LINGO2: variants seen among roughly 807,000 people sequenced by gnomAD.
LINGO2 encodes the protein leucine rich repeat and Ig domain containing 2, also known as leucine-rich repeat and immunoglobulin-like domain-containing nogo receptor-interacting protein 2.
In LINGO2, 14 loss-of-function variants were observed where a neutral mutation model predicts 30.6. That is an observed-to-expected ratio of 0.46 (90% confidence interval 0.30 to 0.72). The LOEUF (loss-of-function observed/expected upper bound fraction) is 0.72. LINGO2 is among the 30% of genes least tolerant of loss of function. LINGO2 has a pLI of 0.07. For missense variants in LINGO2, 729 were observed against 751.7 expected (o/e 0.97, Z 0.35); for synonymous variants, 317 against 288.5 (o/e 1.10, Z -1.00).
At chr9:28,848,383 G>GTATA in the LINGO2 span, among the ~76,000 whole-genome samples, 1 of 56,556 alleles carries the variant, frequency 1.8e-5, no homozygotes, top group African/African-American at 5.1e-5. Context: ...GTGTGTGTGT[G>GTATA]TGTGTGTGTG....
the LINGO2 span, among the ~76,000 whole-genome samples, chr9:28,700,874 GT>G: frequency 6.6e-6 from 1 of 151,892 alleles, no homozygotes; most frequent in Non-Finnish European, 1.5e-5. Flanking sequence ...ACTCCTTGTT[GT>G]TTTAATTTGT....
the LINGO2 span, among the ~76,000 whole-genome samples, chr9:28,925,176 G>T: frequency 6.6e-6 from 1 of 152,186 alleles, no homozygotes; most frequent in South Asian, 2.1e-4. Flanking sequence ...AAATTTAAAC[G>T]CTTTTTAAAA....
At position 28,293,183 on chromosome 9, in the gene LINGO2, C is replaced by T. The variant is rs150975634; in HGVS notation, c.-87+2025G>A. 4.5e-3 allele frequency among the ~76,000 whole-genome samples: 677 copies of T among 152,060 alleles called. 6 individuals are homozygous for T. The highest frequency in any genetic ancestry group is 0.016 in the African/African-American group (654 of 41,494). On this transcript the variant is annotated intron_variant, in intron 4 of 5. Transcript: ENST00000379992. Reference sequence around the variant, plus strand: ...TGCTATCATAGCTCACTGTAACCTCCGACTCTTGGGCTCAAGCAGTCCTCC... The same window carrying T: ...TGCTATCATAGCTCACTGTAACCTCTGACTCTTGGGCTCAAGCAGTCCTCC...
the LINGO2 span, among the ~76,000 whole-genome samples, chr9:28,927,646 G>A: frequency 6.6e-6 from 1 of 152,190 alleles, no homozygotes; most frequent in Non-Finnish European, 1.5e-5. Context: ...TAGTTTGTGT[G>A]TAATACACTG....
the LINGO2 span, among the ~76,000 whole-genome samples, chr9:28,981,379 A>G: frequency 0.023 from 3,293 of 143,966 alleles, 99 homozygotes; most frequent in African/African-American, 0.077. Flanking sequence ...CTTAGATTAT[A>G]AAACCACAAT....
the LINGO2 span, among the ~76,000 whole-genome samples, chr9:29,132,032 G>A: frequency 6.6e-6 from 1 of 151,684 alleles, no homozygotes; most frequent in Non-Finnish European, 1.5e-5. Context: ...CCAGGTCCAG[G>A]TGAAGGCACA....
the LINGO2 span, among the ~76,000 whole-genome samples, chr9:28,819,094 C>T: frequency 6.6e-6 from 1 of 152,166 alleles, no homozygotes; most frequent in African/African-American, 2.4e-5. Context: ...CCAAATCCTT[C>T]AGCATGACTA....
chr9:28,241,156 C>T (rs182037579), intron 4 of LINGO2, among the ~76,000 whole-genome samples: 1 of 149,046 alleles, frequency 6.7e-6, no homozygotes, highest in East Asian at 2.0e-4. Context: ...GTAATCCCAG[C>T]TACTTGGGAG....
At chr9:28,001,180 T>G (rs1225408047) in intron 5 of LINGO2, among the ~76,000 whole-genome samples, 1 of 152,208 alleles carries the variant, frequency 6.6e-6, no homozygotes, top group African/African-American at 2.4e-5. Context: ...AATGAAATCT[T>G]ATTCAGAAAG....
chr9:29,016,703 T>G, the LINGO2 span, among the ~76,000 whole-genome samples: 1 of 152,180 alleles, frequency 6.6e-6, no homozygotes, highest in Non-Finnish European at 1.5e-5. Context: ...CCATCAATCT[T>G]ATTTTTAAGA....
At chr9:28,312,119 G>A (rs1237442131) in intron 3 of LINGO2, among the ~76,000 whole-genome samples, 1 of 148,216 alleles carries the variant, frequency 6.7e-6, no homozygotes, top group African/African-American at 2.5e-5. Context: ...AAGTATCTAT[G>A]TTCTTTAGCT....
At chr9:28,370,349 C>T (rs1055001323) in intron 3 of LINGO2, among the ~76,000 whole-genome samples, 19 of 152,058 alleles carry the variant, frequency 1.2e-4, no homozygotes, top group Non-Finnish European at 7.4e-5. Context: ...CCAAAATATA[C>T]ACGCATGCAA....
chr9:28,735,951 C>T, the LINGO2 span, among the ~76,000 whole-genome samples: 1 of 152,116 alleles, frequency 6.6e-6, no homozygotes, highest in Admixed American at 6.6e-5. Context: ...CCTCAGTGAG[C>T]TGTGTAGATG....
At chr9:28,859,670 T>C in the LINGO2 span, among the ~76,000 whole-genome samples, 1 of 151,976 alleles carries the variant, frequency 6.6e-6, no homozygotes, top group Admixed American at 6.6e-5. Context: ...AAATCAAAGC[T>C]AGGATCAGGA....
intron 4 of LINGO2, among the ~76,000 whole-genome samples, chr9:28,146,815 C>T (rs1361769108): frequency 1.3e-5 from 2 of 152,198 alleles, no homozygotes; most frequent in Admixed American, 6.5e-5. Context: ...TAATCCAATA[C>T]ATTGATCTAC....
the LINGO2 span, among the ~76,000 whole-genome samples, chr9:28,929,149 C>T: frequency 6.6e-6 from 1 of 152,188 alleles, no homozygotes; most frequent in African/African-American, 2.4e-5. Flanking sequence ...CTCTGTTTCT[C>T]TCTCACATGA....
chr9:28,304,722 A>C (rs535987689), intron 3 of LINGO2, among the ~76,000 whole-genome samples: 4 of 152,210 alleles, frequency 2.6e-5, no homozygotes, highest in Admixed American at 2.6e-4. Context: ...GTTTAGATCT[A>C]TGTTTAACTA....
At chr9:28,984,867 T>G in the LINGO2 span, among the ~76,000 whole-genome samples, 1 of 152,222 alleles carries the variant, frequency 6.6e-6, no homozygotes, top group African/African-American at 2.4e-5. Flanking sequence ...ATTTTTGTAG[T>G]GAGAACATTT....
chr9:28,188,954 T>A (rs566451634), intron 4 of LINGO2, among the ~76,000 whole-genome samples: 1 of 152,122 alleles, frequency 6.6e-6, no homozygotes, highest in African/African-American at 2.4e-5. Flanking sequence ...AGAAACTGCT[T>A]AAGATTGGAG....
Sources: allele counts gnomAD v4.1 joint callset (sites outside exome capture counted in the v4.1 genomes callset), GRCh38; gene constraint gnomAD v4.1.1; transcripts MANE v1.5; gene names NCBI Gene and HGNC (gene_info 2026-07-23, HGNC 2026-07-21).